XKR6: variants seen among roughly 807,000 people sequenced by gnomAD.
The protein encoded by XKR6 is XK-related protein 6.
In XKR6, 22 loss-of-function variants were observed where a neutral mutation model predicts 56.7. That is an observed-to-expected ratio of 0.39 (90% CI 0.28 to 0.55). XKR6 has a LOEUF of 0.55. Among genes scored for constraint, XKR6 ranks in the 20% least tolerant of loss-of-function variants. The pLI, the probability that XKR6 is intolerant of heterozygous loss-of-function variation, is 0.66. For synonymous variants in XKR6, 524 were observed against 387.8 expected, an observed-to-expected ratio of 1.35 and a Z score of -4.13; for missense variants, 852 against 889.0, an observed-to-expected ratio of 0.96 and a Z score of 0.53.
chr8:11,178,042 A>G (rs1220420594), intron 1 of XKR6, among the ~76,000 whole-genome samples: 1 of 152,180 alleles, frequency 6.6e-6, no homozygotes, highest in Non-Finnish European at 1.5e-5. Context: ...GGAGATTGCC[A>G]CAGCACAGAA....
chr8:11,055,785 G>A (rs558294248), intron 1 of XKR6, among the ~76,000 whole-genome samples: 26 of 151,618 alleles, frequency 1.7e-4, no homozygotes, highest in African/African-American at 3.9e-4. Flanking sequence ...AGCGGGCCCC[G>A]AAGTCCACTG....
intron 1 of XKR6, chr8:11,035,440 C>A: frequency 4.3e-6 from 2 of 464,116 alleles, no homozygotes; most frequent in Admixed American, 4.4e-5. Flanking sequence ...AATCTCTGCA[C>A]CCAAACAGGA....
intron 1 of XKR6, among the ~76,000 whole-genome samples, chr8:10,975,850 A>G (rs1193227752): frequency 6.6e-6 from 1 of 151,916 alleles, no homozygotes; most frequent in Non-Finnish European, 1.5e-5. Flanking sequence ...AATTCACTCA[A>G]TCTCCAAGCC....
At chr8:11,131,175 T>C (rs780043642) in intron 1 of XKR6, among the ~76,000 whole-genome samples, 1 of 152,184 alleles carries the variant, frequency 6.6e-6, no homozygotes, top group Non-Finnish European at 1.5e-5. Flanking sequence ...ACACTCTGGT[T>C]CATCTCAGTG....
intron 1 of XKR6, among the ~76,000 whole-genome samples, chr8:11,154,061 T>C (rs1233667313): frequency 2.0e-5 from 3 of 152,312 alleles, no homozygotes; most frequent in East Asian, 1.9e-4. Flanking sequence ...AGAAGAGACA[T>C]CTGGCCTTTG....
intron 1 of XKR6, among the ~76,000 whole-genome samples, chr8:11,143,999 C>T (rs1389228766): frequency 6.6e-6 from 1 of 151,950 alleles, no homozygotes; most frequent in Non-Finnish European, 1.5e-5. Flanking sequence ...CATGTGTGTC[C>T]CTGGGGTCTC....
Position 11,059,452 on chromosome 8 carries a change from C to T in XKR6, c.765-134622G>A, listed in dbSNP as rs1057421676. Among the ~76,000 whole-genome samples, 33 of 152,178 alleles carry T rather than the reference C, an allele frequency of 2.2e-4. 1 individual carries two copies. Among genetic ancestry groups the T allele is most frequent in the Admixed American group, 1.3e-4 (2 of 15,290 alleles). ...CAGCGCTCAGCTCCGCGTCCCCGCG[C>T]CGGCGCCGAGAAGGAGGCCCCGCCC... On this transcript the variant is annotated intron_variant, in intron 1 of 2. Transcript: ENST00000416569.
chr8:10,898,347 A>G lies in XKR6; in HGVS notation c.1531T>C (p.Ser511Pro). 1.2e-6 allele frequency: 2 copies of G among 1,613,932 alleles called. No individual in the cohort carries two copies. The highest frequency in any genetic ancestry group is 1.7e-6 in the Non-Finnish European group (2 of 1,179,892). Residue 511 changes from serine to proline, a missense_variant, in exon 3 of 3, where the codon TCC (serine) becomes CCC (proline). Ser to Pro is a moderately conservative substitution (Grantham distance 74, BLOSUM62 -1). Coordinates refer to ENST00000416569, the MANE Select transcript of XKR6 (RefSeq NM_173683.4). The surrounding 1 kb of genome is among the most constrained non-coding windows in gnomAD (Gnocchi z 6.6). ...TGPRAKILASSCCAELLWGIP... is the reference protein window; with the variant it reads ...TGPRAKILASPCCAELLWGIP... Reference sequence around the variant, plus strand: ...CCCCAGAGCAGCTCGGCACAACAGGAGCTGGCAAGGATCTTAGCTCGTGGT... The same window carrying G: ...CCCCAGAGCAGCTCGGCACAACAGGGGCTGGCAAGGATCTTAGCTCGTGGT...
intron 1 of XKR6, among the ~76,000 whole-genome samples, chr8:11,016,396 G>A (rs1396327737): frequency 6.6e-6 from 1 of 152,182 alleles, no homozygotes; most frequent in Non-Finnish European, 1.5e-5. Context: ...CCGGGGACTC[G>A]GGGTCCTAGT....
intron 1 of XKR6, among the ~76,000 whole-genome samples, chr8:11,145,935 C>T (rs1259364050): frequency 2.0e-5 from 3 of 151,990 alleles, no homozygotes; most frequent in African/African-American, 7.3e-5. Flanking sequence ...TACATGACTT[C>T]AAGACTTTAT....
At chr8:11,037,120 A>C (rs992673647) in intron 1 of XKR6, among the ~76,000 whole-genome samples, 3 of 152,202 alleles carry the variant, frequency 2.0e-5, no homozygotes, top group Admixed American at 6.5e-5. Context: ...ACACTTCTCA[A>C]ATTTCTGCAT....
chr8:10,982,090 G>C (rs1563326557), intron 1 of XKR6, among the ~76,000 whole-genome samples: 1 of 152,180 alleles, frequency 6.6e-6, no homozygotes, highest in Non-Finnish European at 1.5e-5. Flanking sequence ...GGGCTTTAAA[G>C]GTAGAAAATG....
chr8:11,195,045 T>G (rs1329414514), intron 1 of XKR6: 3 of 673,292 alleles, frequency 4.5e-6, no homozygotes, highest in African/African-American at 1.8e-5. Context: ...CTCTTCTTAT[T>G]CATTCTCCTG....
intron 2 of XKR6, among the ~76,000 whole-genome samples, chr8:10,911,413 T>C (rs577041754): frequency 6.2e-4 from 88 of 141,602 alleles, no homozygotes; most frequent in African/African-American, 2.3e-3. Context: ...GAGAATGAGA[T>C]TGTATAAAAA....
At chr8:10,913,846 G>A (rs144966575) in intron 2 of XKR6, among the ~76,000 whole-genome samples, 215 of 152,360 alleles carry the variant, frequency 1.4e-3, no homozygotes, top group African/African-American at 4.9e-3. Flanking sequence ...GGTGACGGGT[G>A]TGGAAAAGGA....
chr8:11,030,106 G>C (rs1271839975), intron 1 of XKR6, among the ~76,000 whole-genome samples: 3 of 152,114 alleles, frequency 2.0e-5, no homozygotes, highest in African/African-American at 7.2e-5. Context: ...ACCCCTAGCT[G>C]CAGCTGTCCC....
At chr8:11,044,822 G>T (rs1799368297) in intron 1 of XKR6, among the ~76,000 whole-genome samples, 1 of 152,050 alleles carries the variant, frequency 6.6e-6, no homozygotes. Context: ...GTTTCACCAT[G>T]TTGGGTAGGC....
At position 10,953,565 on chromosome 8, in the gene XKR6, G is replaced by T. The variant is rs974118078; in HGVS notation, c.765-28735C>A. Among the ~76,000 whole-genome samples, 8 of 152,296 alleles carry T rather than the reference G, an allele frequency of 5.3e-5. No homozygotes were observed. The East Asian group carries it at 1.5e-3, about 29-fold the overall frequency. ...GCAAGAATGACCTAACACAGACGGG[G>T]TCTTGCCATGTTGCCCAGCCCTACA... On this transcript the variant is annotated intron_variant, in intron 1 of 2. Coordinates refer to ENST00000416569, the MANE Select transcript of XKR6 (RefSeq NM_173683.4).
chr8:11,030,487 G>A (rs929266711), intron 1 of XKR6, among the ~76,000 whole-genome samples: 1 of 152,140 alleles, frequency 6.6e-6, no homozygotes, highest in African/African-American at 2.4e-5. Flanking sequence ...CTTGATCAAT[G>A]TCGAAGTAAA....
Sources: gnomAD v4.1 joint callset for allele counts (sites outside exome capture counted in the v4.1 genomes callset) on GRCh38, gnomAD v4.1.1 for gene constraint, Gnocchi (gnomAD v3.1) non-coding constraint, MANE v1.5 for transcripts, NCBI Gene and HGNC (gene_info 2026-07-23, HGNC 2026-07-21) for gene names.